The following HDAC9 variants were observed in gnomAD, a reference collection of about 807,000 sequenced individuals.
The protein encoded by HDAC9 is histone deacetylase 9, also known as MEF-2 interacting transcription repressor (MITR) protein.
In HDAC9, 41 loss-of-function variants were observed where a neutral mutation model predicts 139.4. The observed-to-expected ratio is 0.29, with a 90% CI of 0.23 to 0.38. HDAC9 has a LOEUF of 0.38. HDAC9 is among the 10% of genes least tolerant of loss of function. The pLI is 1.00. For synonymous variants in HDAC9, 517 were observed against 476.2 expected (o/e 1.09, Z -1.12); for missense variants, 1,147 against 1,297.0 (o/e 0.88, Z 1.78).
intron 21 of HDAC9, among the ~76,000 whole-genome samples, chr7:18,855,025 A>C (rs1309846110): frequency 6.6e-6 from 1 of 152,162 alleles, no homozygotes; most frequent in Non-Finnish European, 1.5e-5. Context: ...AAATGGATGC[A>C]ATTGGCTGCT....
At chr7:18,826,208 G>A (rs1035240213) in intron 17 of HDAC9, among the ~76,000 whole-genome samples, 3 of 152,116 alleles carry the variant, frequency 2.0e-5, no homozygotes, top group Non-Finnish European at 4.4e-5. Context: ...ATTTTTACAA[G>A]AAAGTATTGT....
At chr7:18,711,172 G>A (rs1483108435) in intron 12 of HDAC9, among the ~76,000 whole-genome samples, 2 of 152,156 alleles carry the variant, frequency 1.3e-5, no homozygotes, top group African/African-American at 4.8e-5. Flanking sequence ...AAAAGATGGG[G>A]CAACTGAGGC....
intron 13 of HDAC9, among the ~76,000 whole-genome samples, chr7:18,730,744 C>T (rs1309690789): frequency 3.3e-5 from 5 of 152,170 alleles, no homozygotes; most frequent in African/African-American, 1.2e-4. Context: ...TTCATCACAA[C>T]TTCAGGGATA....
At chr7:18,263,915 G>A (rs1053232145) in intron 2 of HDAC9, among the ~76,000 whole-genome samples, 1 of 152,070 alleles carries the variant, frequency 6.6e-6, no homozygotes, top group African/African-American at 2.4e-5. Flanking sequence ...CACCACGTGG[G>A]CCTGGCTGAC....
chr7:18,327,834 T>G (rs532691309), intron 1 of HDAC9: 32 of 152,132 alleles, frequency 2.1e-4, no homozygotes, highest in African/African-American at 5.8e-4. Flanking sequence ...TTTTGGTTAT[T>G]TTAATATTCA....
chr7:18,111,111 A>G (rs562686616), intron 1 of HDAC9, among the ~76,000 whole-genome samples: 4 of 152,240 alleles, frequency 2.6e-5, no homozygotes, highest in Non-Finnish European at 5.9e-5. Flanking sequence ...GCAAGAAAAG[A>G]GTCAGAATGT....
intron 2 of HDAC9, among the ~76,000 whole-genome samples, chr7:18,584,140 C>CTTTTTTTTTTT (rs3084518): frequency 1.5e-4 from 16 of 107,712 alleles, no homozygotes; most frequent in Admixed American, 2.4e-4. Context: ...AAGCAGCATT[C>CTTTTTTTTTTT]TTTTTTTTTT....
intron 15 of HDAC9, 84 bp downstream of exon 15, chr7:18,762,361 G>A (rs1789465860): frequency 2.7e-6 from 4 of 1,465,218 alleles, no homozygotes; most frequent in Non-Finnish European, 3.7e-6. Context: ...AAAATACTTG[G>A]CAAGTAGTGC....
intron 23 of HDAC9, among the ~76,000 whole-genome samples, chr7:18,948,033 T>C (rs1782524321): frequency 6.6e-6 from 1 of 152,022 alleles, no homozygotes; most frequent in South Asian, 2.1e-4. Flanking sequence ...CCAATCATAA[T>C]GAACAATTTT....
chr7:18,435,567 C>CAT (rs2128767908), intron 1 of HDAC9, among the ~76,000 whole-genome samples: 1 of 151,932 alleles, frequency 6.6e-6, no homozygotes, highest in Admixed American at 6.6e-5. Context: ...CCCTAGTTAC[C>CAT]ATAGTCTACA....
intron 17 of HDAC9, among the ~76,000 whole-genome samples, chr7:18,805,569 T>C (rs1793640848): frequency 6.6e-6 from 1 of 152,192 alleles, no homozygotes; most frequent in South Asian, 2.1e-4. Context: ...TGAAAGGATT[T>C]CACCAACAAT....
rs376772604 is a variant in HDAC9 at position 18,957,759 on chromosome 7, C to T, written c.3022+3529C>T. Reference sequence around the variant, plus strand: ...TCCTTGTTCAACAGGAGCACTTCCTCTTCACATACGTCTCTGAGTGTCACA... The same window carrying T: ...TCCTTGTTCAACAGGAGCACTTCCTTTTCACATACGTCTCTGAGTGTCACA... On this transcript the variant is annotated intron_variant, in intron 24 of 25. Transcript: ENST00000686413. Among the ~76,000 whole-genome samples the T allele has an allele frequency of 5.3e-5, 8 of 152,178 alleles. No individual in the cohort carries two copies. The East Asian group carries it at 7.7e-4, about 15-fold the overall frequency.
At chr7:18,522,612 AAAAAC>A (rs762270783) in intron 2 of HDAC9, among the ~76,000 whole-genome samples, 2 of 151,844 alleles carry the variant, frequency 1.3e-5, no homozygotes, top group Non-Finnish European at 2.9e-5. Flanking sequence ...ACAAAAAACA[AAAAAC>A]AAAAAAAAAA....
chr7:18,990,520 C>G (rs1004653872), intron 25 of HDAC9, among the ~76,000 whole-genome samples: 2 of 152,216 alleles, frequency 1.3e-5, no homozygotes, highest in Admixed American at 6.5e-5. Context: ...TGCCCTGCCC[C>G]CAGAGGTGGA....
At chr7:18,799,585 T>C (rs983173692) in intron 17 of HDAC9, among the ~76,000 whole-genome samples, 20 of 152,186 alleles carry the variant, frequency 1.3e-4, no homozygotes, top group African/African-American at 4.3e-4. Context: ...ACACAGACAT[T>C]GTTAAAATAA....
intron 2 of HDAC9, among the ~76,000 whole-genome samples, chr7:18,172,270 G>T (rs1484822152): frequency 2.0e-5 from 3 of 152,164 alleles, no homozygotes; most frequent in African/African-American, 4.8e-5. Flanking sequence ...ATGGTAGTTT[G>T]TATTTCCGTG....
intron 22 of HDAC9, among the ~76,000 whole-genome samples, chr7:18,883,975 G>C (rs1799933230): frequency 6.6e-6 from 1 of 151,986 alleles, no homozygotes; most frequent in African/African-American, 2.4e-5. Flanking sequence ...AAAACCTTAG[G>C]AATACATTTA....
intron 1 of HDAC9, among the ~76,000 whole-genome samples, chr7:18,309,696 G>A (rs1799175446): frequency 6.6e-6 from 1 of 152,034 alleles, no homozygotes; most frequent in Admixed American, 6.5e-5. Flanking sequence ...GGGAACATTT[G>A]TTGTGGTAGC....
At chr7:18,308,666 A>C (rs1453307867) in intron 1 of HDAC9, among the ~76,000 whole-genome samples, 1 of 152,210 alleles carries the variant, frequency 6.6e-6, no homozygotes, top group Non-Finnish European at 1.5e-5. Flanking sequence ...TAACAAAAAG[A>C]AGTGGAAACT....
Sources: allele counts gnomAD v4.1 joint callset (sites outside exome capture counted in the v4.1 genomes callset), GRCh38; gene constraint gnomAD v4.1.1; transcripts MANE v1.5; gene names NCBI Gene and HGNC (gene_info 2026-07-23, HGNC 2026-07-21).